AQP9: variants seen among roughly 807,000 people sequenced by gnomAD.
AQP9 encodes aquaporin 9, also known as aquaporin-9.
AQP9 carries 19 observed loss-of-function variants against 23.8 expected under a neutral mutation model. The ratio of observed to expected loss-of-function variants is 0.80; its 90% CI spans 0.56 to 1.17. The LOEUF is 1.17. AQP9 is among the 50% of genes most tolerant of loss of function. The pLI is 0.00. For synonymous variants in AQP9, 153 were observed against 131.5 expected (o/e 1.16, Z -1.12); for missense variants, 413 against 362.0 (o/e 1.14, Z -1.14).
Position 58,184,391 on chromosome 15 carries a change from T to G in AQP9, c.*256T>G. On this transcript the variant is annotated 3_prime_UTR_variant, in exon 6 of 6. Coordinates refer to ENST00000219919, the MANE Select transcript of AQP9 (RefSeq NM_020980.5). ...ACAGCCTTCTCTCCTGCCCTGTTTA[T>G]TTCATCCTCGATGGGAATTCTTGCT... 2.6e-6 allele frequency: 1 copy of G among 380,752 alleles called. No individual in the cohort carries two copies. The highest frequency in any genetic ancestry group is 4.7e-6 in the Non-Finnish European group (1 of 211,660). 23.6% of individuals were successfully genotyped at this position (380,752 alleles called of 1,614,324 possible).
chr15:58,140,336 T>G, intron 1 of AQP9, among the ~76,000 whole-genome samples: 1 of 152,220 alleles, frequency 6.6e-6, no homozygotes, highest in East Asian at 1.9e-4. Context: ...GCCTTGTGTC[T>G]TCCCCACTAT....
At chr15:58,168,444 C>G (rs183406468) in intron 2 of AQP9, among the ~76,000 whole-genome samples, 1 of 152,308 alleles carries the variant, frequency 6.6e-6, no homozygotes, top group African/African-American at 2.4e-5. Context: ...TCCTAGCAAA[C>G]ACTGCCTTTG....
chr15:58,181,125 G>T (rs549216333), intron 5 of AQP9, among the ~76,000 whole-genome samples: 34 of 152,268 alleles, frequency 2.2e-4, no homozygotes, highest in Non-Finnish European at 3.4e-4. Flanking sequence ...TGGAGATCTT[G>T]CCCAATGTCC....
chr15:58,169,521 C>T (rs1032990966), intron 2 of AQP9, among the ~76,000 whole-genome samples: 4 of 152,182 alleles, frequency 2.6e-5, no homozygotes, highest in Non-Finnish European at 5.9e-5. Flanking sequence ...AGGTGACTTT[C>T]TCATCGTGGC....
rs1899005903 is a variant in AQP9 at position 58,185,444 on chromosome 15, A to C, written c.*1309A>C. ...TCTGGGTCTATTCCCACACTTACTG[A>C]GTACAGATGAAGGAAAGTGGTAGCA... is the stretch of plus-strand genomic sequence containing the variant. On this transcript the variant is annotated 3_prime_UTR_variant, in exon 6 of 6. Coordinates refer to ENST00000219919, the MANE Select transcript of AQP9 (RefSeq NM_020980.5). The C allele has an allele frequency of 6.5e-6, 1 of 152,674 alleles. No homozygotes were observed. The highest frequency in any genetic ancestry group is 1.5e-5 in the Non-Finnish European group (1 of 68,050). 9.5% of individuals were successfully genotyped at this position (152,674 alleles called of 1,614,324 possible). A position where few individuals can be genotyped will look rare whatever the true frequency, so the allele number is the denominator to read the frequency against.
chr15:58,174,898 C>T lies in AQP9; in HGVS notation c.377-20C>T. 6.2e-7 allele frequency: 1 copy of T among 1,603,748 alleles called. No homozygotes were observed. Among genetic ancestry groups the T allele is most frequent in the Non-Finnish European group, 8.5e-7 (1 of 1,170,634 alleles). On this transcript the variant is annotated intron_variant, in intron 3 of 5. Transcript: ENST00000219919. ...CTCTTCCCAGGGAACACTAATGTGC[C>T]AGAGCTTTCTCTTTCATAGATGGAC...
Position 58,175,255 on chromosome 15 carries a change from G to T in AQP9, c.495+219G>T, listed in dbSNP as rs373711941. Among the ~76,000 whole-genome samples, 7 of 152,174 alleles carry T rather than the reference G, an allele frequency of 4.6e-5. No homozygotes were observed. The East Asian group carries it at 1.3e-3, about 29-fold the overall frequency. Reference sequence around the variant, plus strand: ...TCCTTCCTCTTTAATACGTACACTTGTTTAACATTAGTTGAGATCCAGAAA... The same window carrying T: ...TCCTTCCTCTTTAATACGTACACTTTTTTAACATTAGTTGAGATCCAGAAA... On this transcript the variant is annotated intron_variant, in intron 4 of 5. Transcript: ENST00000219919.
intron 1 of AQP9, among the ~76,000 whole-genome samples, chr15:58,157,202 CAAG>C (rs1296571899): frequency 6.6e-6 from 1 of 152,088 alleles, no homozygotes; most frequent in African/African-American, 2.4e-5. Context: ...TTCCTATATC[CAAG>C]AAGACCTGCA....
intron 1 of AQP9, among the ~76,000 whole-genome samples, chr15:58,154,569 T>G (rs1898210299): frequency 7.8e-6 from 1 of 128,002 alleles, no homozygotes; most frequent in Non-Finnish European, 1.7e-5. Context: ...GCTATTAAAA[T>G]TAATTATAAT....
rs575460576 is a variant in AQP9 at position 58,172,661 on chromosome 15, G to A, written c.239-407G>A. 1.4e-3 allele frequency among the ~76,000 whole-genome samples: 216 copies of A among 152,274 alleles called. 1 individual carries two copies. The highest frequency in any genetic ancestry group is 3.3e-3 in the African/African-American group (136 of 41,540). ...ATGGCCGGAGGAACTGCTAGATATA[G>A]ATTTAAATCTTATACATATATTGGA... On this transcript the variant is annotated intron_variant, in intron 2 of 5. Transcript: ENST00000219919.
chr15:58,140,708 G>T (rs1387656104), intron 1 of AQP9, among the ~76,000 whole-genome samples: 6 of 152,124 alleles, frequency 3.9e-5, no homozygotes, highest in Non-Finnish European at 4.4e-5. Context: ...AAAGGGAAGG[G>T]GAACATCGAA....
chr15:58,140,292 T>C (rs1309910533), intron 1 of AQP9, among the ~76,000 whole-genome samples: 1 of 151,878 alleles, frequency 6.6e-6, no homozygotes, highest in Admixed American at 6.6e-5. Context: ...GTGTTGAAAG[T>C]GAAATTTGCT....
chr15:58,159,052 G>T (rs1898319430), intron 1 of AQP9, among the ~76,000 whole-genome samples: 1 of 152,100 alleles, frequency 6.6e-6, no homozygotes, highest in Non-Finnish European at 1.5e-5. Context: ...AAAGAGATTT[G>T]AGCAGGGTTA....
intron 1 of AQP9, among the ~76,000 whole-genome samples, chr15:58,160,127 A>G (rs949560838): frequency 1.3e-5 from 2 of 152,208 alleles, no homozygotes; most frequent in Non-Finnish European, 2.9e-5. Flanking sequence ...TCCTAACAAC[A>G]GCGTATAAAT....
intron 2 of AQP9, among the ~76,000 whole-genome samples, chr15:58,170,350 T>C (rs1898592907): frequency 1.3e-5 from 2 of 152,076 alleles, no homozygotes; most frequent in Non-Finnish European, 2.9e-5. Context: ...ACAACTATTT[T>C]TCTCTGTAGA....
intron 1 of AQP9, among the ~76,000 whole-genome samples, chr15:58,142,158 C>T (rs1450282882): frequency 1.3e-5 from 2 of 152,162 alleles, no homozygotes; most frequent in Non-Finnish European, 2.9e-5. Context: ...TGTGCTCTTC[C>T]CTTGAGCAGC....
chr15:58,182,109 C>T (rs560797284), intron 5 of AQP9, among the ~76,000 whole-genome samples: 1 of 152,292 alleles, frequency 6.6e-6, no homozygotes, highest in East Asian at 1.9e-4. Flanking sequence ...CAAGAGTCAA[C>T]AGACCCTGGC....
At chr15:58,145,831 A>G (rs1450784454) in intron 1 of AQP9, among the ~76,000 whole-genome samples, 1 of 152,194 alleles carries the variant, frequency 6.6e-6, no homozygotes. Context: ...TGTGTGACAG[A>G]TGAACTTTCT....
In AQP9 at chr15:58,147,890, G is replaced by GCACACACACA. The variant is rs112161250; in HGVS notation, c.111+9223_111+9232dup. Among the ~76,000 whole-genome samples the GCACACACACA allele has an allele frequency of 4.5e-4, 67 of 150,402 alleles. 1 individual carries two copies. Among genetic ancestry groups the GCACACACACA allele is most frequent in the African/African-American group, 1.5e-3 (63 of 41,082 alleles). On this transcript the variant is annotated intron_variant, in intron 1 of 5. Coordinates refer to ENST00000219919, the MANE Select transcript of AQP9 (RefSeq NM_020980.5). ...AATACCCTCACCTGTATAAACACAT[G>GCACACACACA]CACACACACACACACACATATACAT...
Sources: allele counts gnomAD v4.1 joint callset (sites outside exome capture counted in the v4.1 genomes callset), GRCh38; gene constraint gnomAD v4.1.1; transcripts MANE v1.5; gene names NCBI Gene and HGNC (gene_info 2026-07-23, HGNC 2026-07-21).